SGCZ: variants seen among roughly 807,000 people sequenced by gnomAD.
SGCZ encodes the protein sarcoglycan zeta.
Under a neutral mutation model 41.3 loss-of-function variants are expected in SGCZ, and 40 were observed. The observed-to-expected ratio is 0.97, with a 90% confidence interval of 0.75 to 1.26. The LOEUF (loss-of-function observed/expected upper bound fraction) is 1.26, where lower values mean the gene tolerates loss of function less well. Among genes scored for constraint, SGCZ ranks in the 50% most tolerant of loss-of-function variants. The pLI, the probability that SGCZ is intolerant of heterozygous loss-of-function variation, is 0.00. For synonymous variants in SGCZ, 206 were observed against 137.5 expected (o/e 1.50, Z -3.49); for missense variants, 552 against 369.8 (o/e 1.49, Z -4.04).
At chr8:15,120,829 T>A (rs909812754) in intron 1 of SGCZ, among the ~76,000 whole-genome samples, 3 of 152,188 alleles carry the variant, frequency 2.0e-5, no homozygotes, top group African/African-American at 7.2e-5. Context: ...ACTGTCCTAT[T>A]TGCATATGAA....
At position 14,446,092 on chromosome 8, in the gene SGCZ, T is replaced by C. The variant is rs368116996; in HGVS notation, c.234+108640A>G. Among the ~76,000 whole-genome samples, 8 of 152,304 alleles carry C rather than the reference T, an allele frequency of 5.3e-5. No individual in the cohort carries two copies. In the South Asian group the frequency reaches 1.7e-3, roughly 32 times the overall value. On this transcript the variant is annotated intron_variant, in intron 2 of 7. Coordinates refer to ENST00000382080, the MANE Select transcript of SGCZ (RefSeq NM_139167.4). Reference sequence around the variant, plus strand: ...AAATCCTGAATCAGTTGTGCCATTTTTTCGTACCCAAGTAAGTCATAGTCA... The same window carrying C: ...AAATCCTGAATCAGTTGTGCCATTTCTTCGTACCCAAGTAAGTCATAGTCA...
chr8:14,379,284 G>A (rs182150843), intron 2 of SGCZ, among the ~76,000 whole-genome samples: 1 of 152,224 alleles, frequency 6.6e-6, no homozygotes, highest in East Asian at 1.9e-4. Context: ...CAAGGTAGCA[G>A]GAGATAAAAC....
intron 2 of SGCZ, among the ~76,000 whole-genome samples, chr8:14,451,628 C>G (rs996745378): frequency 1.3e-5 from 2 of 152,252 alleles, no homozygotes; most frequent in Non-Finnish European, 2.9e-5. Flanking sequence ...ATACGACAAA[C>G]TCTTAAAACT....
chr8:14,464,228 G>A (rs1207664081), intron 2 of SGCZ, among the ~76,000 whole-genome samples: 1 of 151,452 alleles, frequency 6.6e-6, no homozygotes, highest in East Asian at 1.9e-4. Flanking sequence ...GAATCCACTG[G>A]TGAAGCCATC....
At chr8:15,216,367 G>C (rs576940473) in intron 1 of SGCZ, among the ~76,000 whole-genome samples, 1 of 151,516 alleles carries the variant, frequency 6.6e-6, no homozygotes, top group Admixed American at 6.6e-5. Context: ...CTACAGGCAC[G>C]CACCACCACG....
At chr8:14,444,183 G>A (rs972412128) in intron 2 of SGCZ, among the ~76,000 whole-genome samples, 7 of 152,152 alleles carry the variant, frequency 4.6e-5, no homozygotes, top group African/African-American at 1.7e-4. Context: ...AGAGGTTGTG[G>A]AGAAATAGGA....
At chr8:14,968,411 A>T (rs971501308) in intron 1 of SGCZ, among the ~76,000 whole-genome samples, 1 of 152,192 alleles carries the variant, frequency 6.6e-6, no homozygotes, top group African/African-American at 2.4e-5. Context: ...AGGATTTGCT[A>T]TAAACCAGAG....
At chr8:14,574,547 G>A (rs952493598) in intron 1 of SGCZ, among the ~76,000 whole-genome samples, 1 of 152,154 alleles carries the variant, frequency 6.6e-6, no homozygotes, top group African/African-American at 2.4e-5. Flanking sequence ...GGACTTGCTA[G>A]GTTTCCCCAC....
intron 1 of SGCZ, among the ~76,000 whole-genome samples, chr8:14,979,983 T>A (rs1801608212): frequency 6.6e-6 from 1 of 152,220 alleles, no homozygotes. Flanking sequence ...ATGCTTAAAA[T>A]TATTACCTCA....
At chr8:14,506,499 A>AT (rs1802309295) in intron 2 of SGCZ, among the ~76,000 whole-genome samples, 2 of 116,748 alleles carry the variant, frequency 1.7e-5, no homozygotes, top group South Asian at 3.3e-4. Flanking sequence ...TAACTTATTC[A>AT]TTTAAAAAAA....
chr8:14,232,254 A>C (rs1806599044), intron 4 of SGCZ, among the ~76,000 whole-genome samples: 2 of 151,990 alleles, frequency 1.3e-5, no homozygotes, highest in African/African-American at 2.4e-5. Flanking sequence ...GATTATCATT[A>C]TCTCTACTTC....
At chr8:14,903,752 T>C (rs992897873) in intron 1 of SGCZ, among the ~76,000 whole-genome samples, 5 of 152,022 alleles carry the variant, frequency 3.3e-5, no homozygotes, top group African/African-American at 1.2e-4. Context: ...GTACATTATA[T>C]ACTAGTCAGA....
intron 2 of SGCZ, among the ~76,000 whole-genome samples, chr8:14,460,705 A>G (rs551993876): frequency 6.6e-6 from 1 of 152,310 alleles, no homozygotes; most frequent in South Asian, 2.1e-4. Context: ...CTTGTGTATT[A>G]GATCAAGAAA....
At chr8:14,248,179 CT>C (rs750611506) in intron 3 of SGCZ, among the ~76,000 whole-genome samples, 4 of 152,148 alleles carry the variant, frequency 2.6e-5, no homozygotes, top group Non-Finnish European at 5.9e-5. Flanking sequence ...AAACCAAGCA[CT>C]GTACAAACAT....
intron 2 of SGCZ, among the ~76,000 whole-genome samples, chr8:14,541,451 T>C (rs945232575): frequency 7.9e-5 from 12 of 152,108 alleles, no homozygotes; most frequent in Admixed American, 6.6e-4. Context: ...GCTTCACCCA[T>C]GTCCCCGCAA....
chr8:14,534,470 C>G (rs1010337471), intron 2 of SGCZ, among the ~76,000 whole-genome samples: 2 of 151,992 alleles, frequency 1.3e-5, no homozygotes, highest in Admixed American at 6.6e-5. Context: ...TTCACTCTTT[C>G]CTTTATCCAA....
At chr8:15,058,866 T>C (rs1294632615) in intron 1 of SGCZ, among the ~76,000 whole-genome samples, 2 of 152,202 alleles carry the variant, frequency 1.3e-5, no homozygotes, top group Non-Finnish European at 2.9e-5. Context: ...TCCAAATGTA[T>C]GTTATACACA....
At chr8:15,193,998 A>C (rs1030901987) in intron 1 of SGCZ, among the ~76,000 whole-genome samples, 4 of 152,190 alleles carry the variant, frequency 2.6e-5, no homozygotes, top group African/African-American at 9.7e-5. Context: ...CTCTATAACT[A>C]GCCAGTGTAA....
At chr8:14,307,369 A>G (rs143402017) in intron 3 of SGCZ, among the ~76,000 whole-genome samples, 4 of 152,270 alleles carry the variant, frequency 2.6e-5, no homozygotes, top group African/African-American at 7.2e-5. Context: ...TTCTATTTGC[A>G]TATCTGAAAA....
Sources: gnomAD v4.1 joint callset for allele counts (sites outside exome capture counted in the v4.1 genomes callset) on GRCh38, gnomAD v4.1.1 for gene constraint, MANE v1.5 for transcripts, NCBI Gene and HGNC (gene_info 2026-07-23, HGNC 2026-07-21) for gene names.